The following FHIP2A variants were observed in gnomAD, a reference collection of about 807,000 sequenced individuals.
The protein encoded by FHIP2A is family with sequence similarity 160 member B1.
A neutral mutation model predicts 93.5 loss-of-function variants in FHIP2A; 46 were observed. The observed-to-expected ratio is 0.49, with a 90% CI of 0.39 to 0.63. FHIP2A has a LOEUF of 0.63. Ranked by LOEUF, FHIP2A falls within the 20% of genes least tolerant of loss-of-function variation. The pLI is 0.00. For missense variants in FHIP2A, 769 were observed against 909.7 expected (o/e 0.85, Z 1.99); for synonymous variants, 332 against 326.5 (o/e 1.02, Z -0.18).
chr10:114,881,465 C>T (rs1450869402), intron 16 of FHIP2A, among the ~76,000 whole-genome samples: 1 of 152,050 alleles, frequency 6.6e-6, no homozygotes, highest in South Asian at 2.1e-4. Flanking sequence ...ATATAGAGAG[C>T]GGAGACTCAG....
chr10:114,842,883 G>A (rs2083676785), intron 5 of FHIP2A, 50 bp from the exon 6 acceptor site: 8 of 1,254,850 alleles, frequency 6.4e-6, no homozygotes, highest in Non-Finnish European at 8.8e-6. Flanking sequence ...ATTATTTTTG[G>A]CTTAAAAAGT....
In FHIP2A at chr10:114,862,466, G is replaced by A; in HGVS notation, c.*926G>A. The A allele has an allele frequency of 2.0e-6, 2 of 987,366 alleles. No homozygotes were observed. The highest frequency in any genetic ancestry group is 2.4e-6 in the Non-Finnish European group (2 of 830,058). 61.2% of individuals were successfully genotyped at this position (987,366 alleles called of 1,614,324 possible). A position where few individuals can be genotyped will look rare whatever the true frequency, so the allele number is the denominator to read the frequency against. On this transcript the variant is annotated 3_prime_UTR_variant, in exon 17 of 17. Coordinates refer to ENST00000369248, the MANE Select transcript of FHIP2A (RefSeq NM_020940.4). Reference sequence around the variant, plus strand: ...GTGGGGAACTGACTGATAACCCTTGGCAGCAATCAAAGTGCCAGTGGCTCC... The same window carrying A: ...GTGGGGAACTGACTGATAACCCTTGACAGCAATCAAAGTGCCAGTGGCTCC...
intron 16 of FHIP2A, among the ~76,000 whole-genome samples, chr10:114,870,841 C>A (rs34072763): frequency 1.3e-5 from 2 of 152,060 alleles, no homozygotes; most frequent in Non-Finnish European, 2.9e-5. Context: ...TGTTGCTAGG[C>A]TAGGACGCTA....
chr10:114,864,771 C>A, downstream of FHIP2A: 1 of 922,668 alleles, frequency 1.1e-6, no homozygotes, highest in Non-Finnish European at 1.3e-6. Context: ...AATGATAAAT[C>A]TCAAACAATT....
exon 17 of FHIP2A, chr10:114,899,785 A>G: frequency 2.3e-6 from 1 of 433,676 alleles, no homozygotes; most frequent in African/African-American, 2.0e-5. Context: ...ACAAGTATAA[A>G]AAATACTGTT....
intron 13 of FHIP2A, among the ~76,000 whole-genome samples, chr10:114,850,295 A>G (rs1033372703): frequency 3.3e-5 from 5 of 151,946 alleles, no homozygotes; most frequent in Admixed American, 2.0e-4. Context: ...AATTTTAGCT[A>G]CCCCAGGAGG....
intron 16 of FHIP2A, among the ~76,000 whole-genome samples, chr10:114,885,582 G>A (rs1219323883): frequency 6.6e-6 from 1 of 152,092 alleles, no homozygotes. Context: ...TGCCAACTTC[G>A]TTGAATTAAG....
chr10:114,848,761 G>C (rs1337505477), intron 13 of FHIP2A, 24 bp downstream of exon 13: 1 of 1,510,364 alleles, frequency 6.6e-7, no homozygotes. Context: ...CTAAATGTTG[G>C]AAATGAAATC....
At position 114,864,356 on chromosome 10, in the gene FHIP2A, G is replaced by T. The variant is rs1183381643; in HGVS notation, c.*2816G>T. The T allele has an allele frequency of 4.1e-6, 4 of 985,418 alleles. No homozygotes were observed. The highest frequency in any genetic ancestry group is 5.2e-4 in the Middle Eastern group (1 of 1,936). The allele number at this position is 985,418 out of a possible 1,614,324, so 61.0% of individuals were successfully genotyped here. ...ACACTATATGGTAATTATATTTTGGGTTATGTAGTAAATCAAATATGCATG... is the reference window on the plus strand; with the variant it reads ...ACACTATATGGTAATTATATTTTGGTTTATGTAGTAAATCAAATATGCATG... On this transcript the variant is annotated 3_prime_UTR_variant, in exon 17 of 17. Coordinates refer to ENST00000369248, the MANE Select transcript of FHIP2A (RefSeq NM_020940.4).
intron 5 of FHIP2A, among the ~76,000 whole-genome samples, chr10:114,841,298 T>G (rs1278891892): frequency 6.7e-6 from 1 of 150,254 alleles, no homozygotes; most frequent in Non-Finnish European, 1.5e-5. Flanking sequence ...ATTGGTTTTT[T>G]TTTTTTTTTT....
downstream of FHIP2A, among the ~76,000 whole-genome samples, chr10:114,866,280 T>A (rs1023324835): frequency 1.3e-5 from 2 of 152,222 alleles, no homozygotes; most frequent in African/African-American, 4.8e-5. Context: ...TCCATGTCCC[T>A]GCAAAGGACA....
intron 16 of FHIP2A, among the ~76,000 whole-genome samples, chr10:114,876,786 C>T (rs1046630237): frequency 3.9e-5 from 6 of 152,134 alleles, no homozygotes; most frequent in African/African-American, 1.4e-4. Context: ...GGTGAGACTT[C>T]TTCTCTGCTG....
intron 16 of FHIP2A, among the ~76,000 whole-genome samples, chr10:114,882,370 CATGG>C (rs1386749844): frequency 6.6e-6 from 1 of 152,166 alleles, no homozygotes; most frequent in Non-Finnish European, 1.5e-5. Flanking sequence ...TCACAGTCTA[CATGG>C]TATATATCCC....
At chr10:114,830,516 C>G (rs2083602110) in intron 1 of FHIP2A, among the ~76,000 whole-genome samples, 1 of 152,058 alleles carries the variant, frequency 6.6e-6, no homozygotes, top group African/African-American at 2.4e-5. Flanking sequence ...AAGTGATTCA[C>G]CTACCTCAGC....
In FHIP2A at chr10:114,862,661, GCGCTGGGCACAGCA is replaced by G; in HGVS notation, c.*1122_*1135del. 1 of 985,688 alleles carries G rather than the reference GCGCTGGGCACAGCA, an allele frequency of 1.0e-6. No homozygotes were observed. The highest frequency in any genetic ancestry group is 1.2e-6 in the Non-Finnish European group (1 of 830,100). The allele number at this position is 985,688 out of a possible 1,614,324, so 61.1% of individuals were successfully genotyped here. On this transcript the variant is annotated 3_prime_UTR_variant, in exon 17 of 17. Transcript: ENST00000369248. Reference sequence around the variant, plus strand: ...TAGGAACCTGTAGTTCAGCAAAGCTGCGCTGGGCACAGCATGCTTGTACTTGATTGACAAAATCG... The same window carrying G: ...TAGGAACCTGTAGTTCAGCAAAGCTGTGCTTGTACTTGATTGACAAAATCG...
chr10:114,883,020 C>T (rs556862116), intron 16 of FHIP2A, among the ~76,000 whole-genome samples: 14 of 152,006 alleles, frequency 9.2e-5, no homozygotes, highest in African/African-American at 1.5e-4. Flanking sequence ...CGGAGACTGG[C>T]GAAAGGCTTG....
chr10:114,856,328 T>G (rs1459608212), intron 14 of FHIP2A, among the ~76,000 whole-genome samples: 1 of 152,156 alleles, frequency 6.6e-6, no homozygotes, highest in Non-Finnish European at 1.5e-5. Flanking sequence ...TAGCATTCGC[T>G]GTATTTCTAG....
At chr10:114,823,047 G>C (rs2083547106) in intron 1 of FHIP2A, among the ~76,000 whole-genome samples, 1 of 152,030 alleles carries the variant, frequency 6.6e-6, no homozygotes, top group South Asian at 2.1e-4. Context: ...AATGCATTCT[G>C]TGCAGAAACA....
intron 3 of FHIP2A, 53 bp downstream of exon 3, chr10:114,833,455 C>T: frequency 6.7e-7 from 1 of 1,487,302 alleles, no homozygotes; most frequent in Non-Finnish European, 9.3e-7. Flanking sequence ...GCATTAATGT[C>T]TTACGAATAA....
Sources: allele counts gnomAD v4.1 joint callset (sites outside exome capture counted in the v4.1 genomes callset), GRCh38; gene constraint gnomAD v4.1.1; transcripts MANE v1.5; gene names NCBI Gene and HGNC (gene_info 2026-07-23, HGNC 2026-07-21).